The following EYS variants were observed in gnomAD, a reference collection of about 807,000 sequenced individuals.
The protein encoded by EYS is protein eyes shut homolog.
A neutral mutation model predicts 282.1 loss-of-function variants in EYS; 250 were observed. The ratio of observed to expected loss-of-function variants is 0.89; its 90% CI spans 0.80 to 0.98. The LOEUF (loss-of-function observed/expected upper bound fraction) is 0.98. EYS is among the 50% of genes least tolerant of loss of function. The probability of loss-of-function intolerance (pLI) is 0.00; values close to 1 mark genes in which losing one functional copy is unlikely to be tolerated. For synonymous variants in EYS, 1,355 were observed against 1,282.9 expected (o/e 1.06, Z -1.20); for missense variants, 4,016 against 3,709.0 (o/e 1.08, Z -2.15).
intron 30 of EYS, among the ~76,000 whole-genome samples, chr6:64,244,389 G>T (rs1766937239): frequency 6.6e-6 from 1 of 152,068 alleles, no homozygotes; most frequent in African/African-American, 2.4e-5. Flanking sequence ...CCAGTTATCA[G>T]TTCTGTAGGA....
chr6:65,655,003 G>A (rs994988057), intron 1 of EYS, among the ~76,000 whole-genome samples: 3 of 129,174 alleles, frequency 2.3e-5, no homozygotes, highest in Admixed American at 7.9e-5. Flanking sequence ...AAAAAAAAAT[G>A]TTTGTCCAAG....
chr6:64,268,945 A>G (rs1767853183), intron 30 of EYS, among the ~76,000 whole-genome samples: 1 of 152,144 alleles, frequency 6.6e-6, no homozygotes, highest in African/African-American at 2.4e-5. Context: ...TGCAAAAGAT[A>G]ATTTATATCT....
In EYS at chr6:64,296,855, T is replaced by C. The variant is rs566871582; in HGVS notation, c.6191+10115A>G. 2.0e-5 allele frequency among the ~76,000 whole-genome samples: 3 copies of C among 152,212 alleles called. No homozygotes were observed. In the East Asian group the frequency reaches 5.8e-4, roughly 29 times the overall value. On this transcript the variant is annotated intron_variant, in intron 30 of 42. Transcript: ENST00000503581. Reference sequence around the variant, plus strand: ...CTCCTGACCTCGTGATCCAACTGCCTGGGCCTCCCAAAGTGCTGGGATTAC... The same window carrying C: ...CTCCTGACCTCGTGATCCAACTGCCCGGGCCTCCCAAAGTGCTGGGATTAC...
chr6:63,905,653 A>C (rs574250334), intron 35 of EYS, among the ~76,000 whole-genome samples: 5 of 152,228 alleles, frequency 3.3e-5, no homozygotes, highest in African/African-American at 1.2e-4. Flanking sequence ...TCAGGAGTAA[A>C]ATTTAATAGA....
intron 19 of EYS, among the ~76,000 whole-genome samples, chr6:64,866,112 A>G (rs998968985): frequency 1.3e-5 from 2 of 151,966 alleles, no homozygotes; most frequent in Admixed American, 1.3e-4. Flanking sequence ...ACCATATTAC[A>G]TTTAGCAATC....
intron 31 of EYS, among the ~76,000 whole-genome samples, chr6:64,156,230 T>TA (rs1197341947): frequency 6.6e-6 from 1 of 152,116 alleles, no homozygotes; most frequent in Non-Finnish European, 1.5e-5. Context: ...TGGTAGTGAA[T>TA]AAGTCTCACA....
At chr6:65,022,217 C>T (rs1772271182) in intron 13 of EYS, among the ~76,000 whole-genome samples, 1 of 152,174 alleles carries the variant, frequency 6.6e-6, no homozygotes. Context: ...TCATTTTTAA[C>T]CTTATTTATC....
chr6:63,830,269 T>G (rs1459565297), intron 36 of EYS, among the ~76,000 whole-genome samples: 1 of 152,116 alleles, frequency 6.6e-6, no homozygotes, highest in Non-Finnish European at 1.5e-5. Flanking sequence ...TACAGACTCC[T>G]CCCAGCTAAA....
intron 26 of EYS, among the ~76,000 whole-genome samples, chr6:64,508,974 T>C (rs527916499): frequency 6.6e-6 from 1 of 152,146 alleles, no homozygotes; most frequent in South Asian, 2.1e-4. Flanking sequence ...TTTTGCTAAC[T>C]TCGTTAAACA....
intron 30 of EYS, among the ~76,000 whole-genome samples, chr6:64,282,315 C>A (rs1198582672): frequency 6.6e-6 from 1 of 152,090 alleles, no homozygotes; most frequent in East Asian, 1.9e-4. Flanking sequence ...ACAATAAGTT[C>A]TCTTTTCTTT....
intron 41 of EYS, among the ~76,000 whole-genome samples, chr6:63,743,347 G>T (rs896161047): frequency 6.6e-6 from 1 of 152,142 alleles, no homozygotes; most frequent in Non-Finnish European, 1.5e-5. Flanking sequence ...TTCCAGGAAG[G>T]AATTAGAATT....
At chr6:64,974,765 C>T (rs773832507) in intron 14 of EYS, among the ~76,000 whole-genome samples, 2 of 151,628 alleles carry the variant, frequency 1.3e-5, no homozygotes, top group African/African-American at 2.4e-5. Flanking sequence ...CTGTGTATAC[C>T]GCACAGCACA....
At chr6:63,788,316 C>T in intron 38 of EYS, 67 bp from the exon 39 acceptor site, 1 of 1,275,762 alleles carries the variant, frequency 7.8e-7, no homozygotes, top group Admixed American at 3.0e-5. Flanking sequence ...TTAAGATACT[C>T]TTTTGTTATT....
chr6:64,270,656 A>G (rs372527680), intron 30 of EYS, among the ~76,000 whole-genome samples: 1 of 152,186 alleles, frequency 6.6e-6, no homozygotes, highest in Admixed American at 6.5e-5. Flanking sequence ...GATAAAGAAT[A>G]TATTTGTTAA....
intron 26 of EYS, among the ~76,000 whole-genome samples, chr6:64,515,174 A>G (rs1411388): frequency 0.42 from 64,025 of 151,392 alleles, 14,269 homozygotes; most frequent in African/African-American, 0.59. Flanking sequence ...TTTTGACTGT[A>G]CATTTTGTAA....
At chr6:65,555,405 A>C (rs747501795) in intron 2 of EYS, among the ~76,000 whole-genome samples, 4 of 152,162 alleles carry the variant, frequency 2.6e-5, no homozygotes, top group African/African-American at 4.8e-5. Flanking sequence ...ATGACTGCTT[A>C]AATGATCTAT....
chr6:64,768,565 A>G (rs1416290614), intron 22 of EYS, among the ~76,000 whole-genome samples: 1 of 152,190 alleles, frequency 6.6e-6, no homozygotes, highest in Non-Finnish European at 1.5e-5. Context: ...AGGATGAACC[A>G]TTTCCCTTAA....
chr6:64,382,062 T>C, intron 29 of EYS, among the ~76,000 whole-genome samples: 1 of 152,224 alleles, frequency 6.6e-6, no homozygotes, highest in East Asian at 1.9e-4. Context: ...TTATTCTTGC[T>C]AGACTTCACT....
intron 19 of EYS, among the ~76,000 whole-genome samples, chr6:64,866,465 T>A (rs1766428325): frequency 6.6e-6 from 1 of 151,954 alleles, no homozygotes; most frequent in African/African-American, 2.4e-5. Flanking sequence ...CCAATATAGG[T>A]CACGCTTCCC....
Sources: gnomAD v4.1 joint callset for allele counts (sites outside exome capture counted in the v4.1 genomes callset) on GRCh38, gnomAD v4.1.1 for gene constraint, MANE v1.5 for transcripts, NCBI Gene and HGNC (gene_info 2026-07-23, HGNC 2026-07-21) for gene names.